NAALADL2: variants seen among roughly 807,000 people sequenced by gnomAD.
NAALADL2 encodes the protein inactive N-acetylated-alpha-linked acidic dipeptidase-like protein 2.
Under a neutral mutation model 87.2 loss-of-function variants are expected in NAALADL2, and 76 were observed. The ratio of observed to expected loss-of-function variants is 0.87; its 90% confidence interval spans 0.72 to 1.05. NAALADL2 has a LOEUF of 1.05. Ranked by LOEUF, NAALADL2 falls within the 50% of genes least tolerant of loss-of-function variation. The pLI is 0.00. For missense variants in NAALADL2, 1,089 were observed against 945.8 expected, an observed-to-expected ratio of 1.15 and a Z score of -1.99; for synonymous variants, 354 against 331.0, an observed-to-expected ratio of 1.07 and a Z score of -0.75.
At chr3:175,082,504 AAT>A (rs1179056821) in intron 1 of NAALADL2, among the ~76,000 whole-genome samples, 6 of 152,318 alleles carry the variant, frequency 3.9e-5, no homozygotes, top group Non-Finnish European at 7.3e-5. Flanking sequence ...CTGGGTAAAC[AAT>A]ATCAGTTTTA....
chr3:174,689,726 A>G (rs779283874), intron 2 of NAALADL2, among the ~76,000 whole-genome samples: 1 of 152,082 alleles, frequency 6.6e-6, no homozygotes, highest in Non-Finnish European at 1.5e-5. Flanking sequence ...GAATCTTTCA[A>G]TGCTTTGCAC....
chr3:174,543,192 G>A (rs1327897221), intron 1 of NAALADL2, among the ~76,000 whole-genome samples: 1 of 152,288 alleles, frequency 6.6e-6, no homozygotes. Context: ...AAGTTCTTGA[G>A]CTGGAAGTGC....
At chr3:175,087,237 T>G (rs1410529947) in intron 1 of NAALADL2, among the ~76,000 whole-genome samples, 2 of 152,024 alleles carry the variant, frequency 1.3e-5, no homozygotes, top group Non-Finnish European at 2.9e-5. Context: ...TTGAGGAAGG[T>G]GGGGGGCAGC....
chr3:174,844,693 G>C (rs578024980), intron 3 of NAALADL2, among the ~76,000 whole-genome samples: 1 of 147,394 alleles, frequency 6.8e-6, no homozygotes, highest in Non-Finnish European at 1.5e-5. Flanking sequence ...ATAATTTTCA[G>C]TGGAGAGATC....
intron 2 of NAALADL2, among the ~76,000 whole-genome samples, chr3:174,600,337 TAG>T (rs1200300717): frequency 1.3e-5 from 2 of 152,128 alleles, no homozygotes; most frequent in Admixed American, 1.3e-4. Context: ...CAATTTTATT[TAG>T]AGAGTTCAAG....
intron 9 of NAALADL2, among the ~76,000 whole-genome samples, chr3:175,544,228 G>T (rs1161847632): frequency 6.6e-6 from 1 of 152,132 alleles, no homozygotes; most frequent in East Asian, 1.9e-4. Flanking sequence ...ATATAACCTT[G>T]ATGAGTAAAT....
At chr3:175,276,388 C>G (rs966067848) in intron 4 of NAALADL2, among the ~76,000 whole-genome samples, 1 of 151,662 alleles carries the variant, frequency 6.6e-6, no homozygotes, top group Non-Finnish European at 1.5e-5. Flanking sequence ...CAACCTCCAC[C>G]TCCCAGGTTC....
At chr3:174,999,323 A>T (rs775311846) in intron 1 of NAALADL2, among the ~76,000 whole-genome samples, 4 of 152,154 alleles carry the variant, frequency 2.6e-5, no homozygotes, top group Non-Finnish European at 4.4e-5. Context: ...GGAAAATTGT[A>T]TGTTTAAAAG....
At chr3:174,767,182 G>T (rs1713915132) in intron 3 of NAALADL2, among the ~76,000 whole-genome samples, 1 of 152,144 alleles carries the variant, frequency 6.6e-6, no homozygotes, top group Non-Finnish European at 1.5e-5. Context: ...CACTTCAGTG[G>T]TTACAACTAA....
chr3:175,465,473 CTTTT>C (rs71164634), intron 7 of NAALADL2, among the ~76,000 whole-genome samples: 2 of 106,738 alleles, frequency 1.9e-5, no homozygotes. Flanking sequence ...TGAATTAAAT[CTTTT>C]TTTTTTTTTT....
intron 1 of NAALADL2, among the ~76,000 whole-genome samples, chr3:174,527,858 G>A (rs548064444): frequency 2.0e-5 from 3 of 152,062 alleles, no homozygotes; most frequent in East Asian, 1.9e-4. Context: ...TTGCTATTTC[G>A]TATTGGAAAG....
At chr3:174,511,408 A>G (rs1719593977) in intron 1 of NAALADL2, among the ~76,000 whole-genome samples, 1 of 151,992 alleles carries the variant, frequency 6.6e-6, no homozygotes, top group African/African-American at 2.4e-5. Context: ...ATCACTGTGT[A>G]ACTCTCTTCT....
chr3:174,976,991 G>C (rs1744441196), intron 1 of NAALADL2, among the ~76,000 whole-genome samples: 1 of 152,134 alleles, frequency 6.6e-6, no homozygotes, highest in South Asian at 2.1e-4. Context: ...GAAAATGTCT[G>C]CATTAATAAT....
intron 1 of NAALADL2, among the ~76,000 whole-genome samples, chr3:174,981,063 A>C (rs1420081555): frequency 6.6e-6 from 1 of 152,210 alleles, no homozygotes; most frequent in Non-Finnish European, 1.5e-5. Context: ...AAATTATGAA[A>C]ATAAAACCTT....
At chr3:175,466,852 G>A in intron 7 of NAALADL2, 127 bp from the exon 8 acceptor site, 1 of 761,534 alleles carries the variant, frequency 1.3e-6, no homozygotes, top group East Asian at 2.5e-5. Flanking sequence ...AATTAAAGTA[G>A]TCTTAATTAT....
intron 2 of NAALADL2, among the ~76,000 whole-genome samples, chr3:175,102,858 C>G (rs1261922481): frequency 4.0e-5 from 6 of 151,842 alleles, no homozygotes; most frequent in Non-Finnish European, 8.8e-5. Flanking sequence ...GCCTGTAATC[C>G]CAGCACTTTG....
At chr3:175,432,675 C>G (rs61225559) in intron 5 of NAALADL2, among the ~76,000 whole-genome samples, 3,922 of 152,028 alleles carry the variant, frequency 0.026, 175 homozygotes, top group African/African-American at 0.089. Flanking sequence ...ATGGAAAAAC[C>G]CTGTCAAAGC....
intron 4 of NAALADL2, among the ~76,000 whole-genome samples, chr3:175,259,066 A>T (rs966025198): frequency 6.6e-6 from 1 of 152,160 alleles, no homozygotes; most frequent in Admixed American, 6.5e-5. Context: ...TGCAGTAGGT[A>T]CTGCTTCAGT....
intron 13 of NAALADL2, among the ~76,000 whole-genome samples, chr3:175,787,375 G>C (rs940453696): frequency 2.6e-5 from 4 of 152,174 alleles, no homozygotes; most frequent in African/African-American, 9.6e-5. Flanking sequence ...CTCCGTGGGC[G>C]TAGGACCCTC....
Sources: allele counts gnomAD v4.1 joint callset (sites outside exome capture counted in the v4.1 genomes callset), GRCh38; gene constraint gnomAD v4.1.1; transcripts MANE v1.5; gene names NCBI Gene and HGNC (gene_info 2026-07-23, HGNC 2026-07-21).